The following PGM5 variants were observed in gnomAD, a reference collection of about 807,000 sequenced individuals.
The protein encoded by PGM5 is phosphoglucomutase-like protein 5.
Under a neutral mutation model 59.2 loss-of-function variants are expected in PGM5, and 23 were observed. The ratio of observed to expected loss-of-function variants is 0.39; its 90% CI spans 0.28 to 0.55. The LOEUF (loss-of-function observed/expected upper bound fraction) is 0.55, where lower values mean the gene tolerates loss of function less well. Ranked by LOEUF, PGM5 falls within the 20% of genes least tolerant of loss-of-function variation. The probability of loss-of-function intolerance (pLI) is 0.66; values close to 1 mark genes in which losing one functional copy is unlikely to be tolerated. For synonymous variants in PGM5, 214 were observed against 286.0 expected (o/e 0.75, Z 2.54); for missense variants, 574 against 748.3 (o/e 0.77, Z 2.72).
intron 10 of PGM5, among the ~76,000 whole-genome samples, chr9:68,527,526 CT>C (rs1218420039): frequency 1.3e-5 from 2 of 152,120 alleles, no homozygotes; most frequent in Non-Finnish European, 2.9e-5. Context: ...CACTTTGCTC[CT>C]AAAGAATAGA....
intron 6 of PGM5, among the ~76,000 whole-genome samples, chr9:68,452,920 G>A (rs1482656923): frequency 5.3e-5 from 8 of 152,206 alleles, no homozygotes; most frequent in Non-Finnish European, 7.3e-5. Flanking sequence ...TGAGTTAAAA[G>A]CATTTAACAT....
chr9:68,385,506 T>C (rs1209238734), intron 3 of PGM5, among the ~76,000 whole-genome samples: 1 of 152,082 alleles, frequency 6.6e-6, no homozygotes, highest in Non-Finnish European at 1.5e-5. Context: ...TTGAGAAGTT[T>C]TGAGTCAGTT....
intron 6 of PGM5, among the ~76,000 whole-genome samples, chr9:68,413,809 A>T (rs190973667): frequency 1.7e-3 from 266 of 152,340 alleles, no homozygotes; most frequent in Admixed American, 4.8e-3. Context: ...ACACAGCCAT[A>T]TACAGAAAAA....
chr9:68,401,338 C>T (rs1822661554), intron 6 of PGM5, among the ~76,000 whole-genome samples: 1 of 150,748 alleles, frequency 6.6e-6, no homozygotes, highest in Non-Finnish European at 1.5e-5. Flanking sequence ...CCCATGAGAA[C>T]TGAAAGACGA....
intron 10 of PGM5, 92 bp from the exon 11 acceptor site, chr9:68,529,475 C>T: frequency 1.2e-6 from 1 of 863,364 alleles, no homozygotes; most frequent in Non-Finnish European, 1.9e-6. Context: ...GAATTGGAAT[C>T]TGAGTCCAGA....
At chr9:68,442,801 T>C (rs1321383898) in intron 6 of PGM5, among the ~76,000 whole-genome samples, 1 of 152,164 alleles carries the variant, frequency 6.6e-6, no homozygotes, top group Non-Finnish European at 1.5e-5. Context: ...AACACGAAAA[T>C]GTGTTCAACA....
intron 6 of PGM5, among the ~76,000 whole-genome samples, chr9:68,439,302 G>A (rs570091984): frequency 3.3e-5 from 5 of 151,588 alleles, no homozygotes; most frequent in African/African-American, 1.2e-4. Flanking sequence ...GAGGGACAAG[G>A]CTGCAGTGAA....
At chr9:68,524,444 T>G (rs920102094) in intron 10 of PGM5, among the ~76,000 whole-genome samples, 1 of 152,172 alleles carries the variant, frequency 6.6e-6, no homozygotes, top group African/African-American at 2.4e-5. Flanking sequence ...CTTCCTACTG[T>G]TGACTGTAGA....
intron 6 of PGM5, chr9:68,399,303 G>A (rs1384995448): frequency 9.9e-5 from 15 of 151,698 alleles, no homozygotes; most frequent in Admixed American, 2.6e-4. Flanking sequence ...TCTTCAACAC[G>A]TGTATTCAGA....
At chr9:68,421,106 A>C (rs969255682) in intron 6 of PGM5, among the ~76,000 whole-genome samples, 1 of 152,222 alleles carries the variant, frequency 6.6e-6, no homozygotes, top group South Asian at 2.1e-4. Flanking sequence ...GCACATGTCC[A>C]TGTCAGGGTA....
intron 1 of PGM5, chr9:68,371,805 C>A (rs1554677187): frequency 6.6e-6 from 1 of 152,080 alleles, no homozygotes; most frequent in African/African-American, 2.4e-5. Flanking sequence ...TTATCCTGAG[C>A]TAATTGGTAG....
chr9:68,407,451 G>A (rs1333501189), intron 6 of PGM5, among the ~76,000 whole-genome samples: 16 of 152,208 alleles, frequency 1.1e-4, no homozygotes, highest in Admixed American at 4.6e-4. Flanking sequence ...CTTTTGATCC[G>A]TACTTTTTGA....
intron 9 of PGM5, among the ~76,000 whole-genome samples, chr9:68,489,858 G>A (rs782633550): frequency 6.6e-6 from 1 of 152,088 alleles, no homozygotes; most frequent in Admixed American, 6.6e-5. Flanking sequence ...TAGGTGATGT[G>A]GAAAACCAAA....
intron 9 of PGM5, among the ~76,000 whole-genome samples, chr9:68,495,727 A>G (rs1025890514): frequency 1.3e-5 from 2 of 152,228 alleles, no homozygotes; most frequent in African/African-American, 2.4e-5. Context: ...AAGCTGGAAC[A>G]CCAGGGAATG....
At chr9:68,488,589 A>G (rs1477488637) in intron 9 of PGM5, among the ~76,000 whole-genome samples, 2 of 152,088 alleles carry the variant, frequency 1.3e-5, no homozygotes, top group South Asian at 2.1e-4. Context: ...CCTGGCCTCA[A>G]TGTGGCATGT....
chr9:68,457,432 T>C (rs1823795454), intron 6 of PGM5, among the ~76,000 whole-genome samples: 1 of 152,230 alleles, frequency 6.6e-6, no homozygotes, highest in Non-Finnish European at 1.5e-5. Flanking sequence ...CCTCACAGAA[T>C]TACTCTGTTA....
intron 6 of PGM5, among the ~76,000 whole-genome samples, chr9:68,439,168 G>T (rs1400928647): frequency 6.6e-6 from 1 of 151,946 alleles, no homozygotes; most frequent in African/African-American, 2.4e-5. Flanking sequence ...TTCAAGGCCA[G>T]CCTAGGCAAC....
chr9:68,378,394 G>C, intron 2 of PGM5, 33 bp downstream of exon 2: 1 of 1,552,634 alleles, frequency 6.4e-7, no homozygotes, highest in East Asian at 2.4e-5. Flanking sequence ...TAATAATTAC[G>C]ATTTCTTTCC....
At chr9:68,436,952 C>A (rs919800942) in intron 6 of PGM5, among the ~76,000 whole-genome samples, 1 of 152,220 alleles carries the variant, frequency 6.6e-6, no homozygotes, top group Non-Finnish European at 1.5e-5. Flanking sequence ...ATTCTCCCAT[C>A]AGCTAAGTGA....
Sources: gnomAD v4.1 joint callset for allele counts (sites outside exome capture counted in the v4.1 genomes callset) on GRCh38, gnomAD v4.1.1 for gene constraint, MANE v1.5 for transcripts, NCBI Gene and HGNC (gene_info 2026-07-23, HGNC 2026-07-21) for gene names.